Variants in NME7 observed in about 807,000 individuals in gnomAD.
NME7 encodes NME/NM23 family member 7.
In NME7, 41 loss-of-function variants were observed where a neutral mutation model predicts 49.1. That is an observed-to-expected ratio of 0.83 (90% CI 0.65 to 1.08). The LOEUF (loss-of-function observed/expected upper bound fraction) is 1.08, where lower values mean the gene tolerates loss of function less well. Among genes scored for constraint, NME7 ranks in the 50% least tolerant of loss-of-function variants. The probability of loss-of-function intolerance (pLI) is 0.00; values close to 1 mark genes in which losing one functional copy is unlikely to be tolerated. For synonymous variants in NME7, 139 were observed against 150.6 expected (o/e 0.92, Z 0.56); for missense variants, 423 against 463.4 (o/e 0.91, Z 0.80).
At chr1:169,366,518 G>C (rs1653860549) in intron 1 of NME7, among the ~76,000 whole-genome samples, 1 of 152,172 alleles carries the variant, frequency 6.6e-6, no homozygotes, top group African/African-American at 2.4e-5. Context: ...GAAGAAACTG[G>C]AGAGGAAAAG....
rs530007834 is a variant in NME7 at position 169,292,647 on chromosome 1, T to C, written c.649-5239A>G. Among the ~76,000 whole-genome samples, 64 of 152,268 alleles carry C rather than the reference T, an allele frequency of 4.2e-4. 1 individual carries two copies. The South Asian group carries it at 0.013, about 32-fold the overall frequency. On this transcript the variant is annotated intron_variant, in intron 6 of 11. Transcript: ENST00000367811. ...GATCACTGGAACGCCTTGGAAACCA[T>C]GTCAAGGAGCTTGAACTTGATTCTG...
intron 11 of NME7, among the ~76,000 whole-genome samples, chr1:169,150,335 T>A (rs1021568728): frequency 3.9e-5 from 6 of 152,288 alleles, no homozygotes; most frequent in Admixed American, 1.3e-4. Flanking sequence ...ATACTTGTTA[T>A]AAAAAAGGTA....
At position 169,274,961 on chromosome 1, in the gene NME7, G is replaced by C. The variant is rs1398431347; in HGVS notation, c.754+12342C>G. The stretch of plus-strand genomic sequence containing the variant: ...AGTTGGCGATGTGGGCTCTTTTTTG[G>C]TTCCATATGAAATTTAAAGTAGTTT... On this transcript the variant is annotated intron_variant, in intron 7 of 11. Coordinates refer to ENST00000367811, the MANE Select transcript of NME7 (RefSeq NM_013330.5). 4.5e-5 allele frequency among the ~76,000 whole-genome samples: 6 copies of C among 132,542 alleles called. 1 individual carries two copies. Among genetic ancestry groups the C allele is most frequent in the African/African-American group, 1.5e-4 (6 of 39,270 alleles). 87.0% of individuals were successfully genotyped at this position (132,542 alleles called of 152,430 possible).
At chr1:169,301,018 G>A (rs1241123202) in intron 5 of NME7, among the ~76,000 whole-genome samples, 1 of 152,110 alleles carries the variant, frequency 6.6e-6, no homozygotes, top group Admixed American at 6.5e-5. Context: ...TCTGGACATT[G>A]GCCTGGGGAA....
intron 1 of NME7, among the ~76,000 whole-genome samples, chr1:169,365,446 C>A (rs1385862228): frequency 6.6e-6 from 1 of 152,136 alleles, no homozygotes; most frequent in African/African-American, 2.4e-5. Flanking sequence ...CAAGAGGGTG[C>A]AAGTATTCTG....
intron 10 of NME7, among the ~76,000 whole-genome samples, chr1:169,179,593 T>C (rs1465614958): frequency 6.6e-6 from 1 of 152,000 alleles, no homozygotes; most frequent in Non-Finnish European, 1.5e-5. Context: ...ATAAAGAAAA[T>C]GTACATATAC....
chr1:169,356,825 C>G (rs1334372948), intron 1 of NME7, among the ~76,000 whole-genome samples: 1 of 152,108 alleles, frequency 6.6e-6, no homozygotes, highest in African/African-American at 2.4e-5. Flanking sequence ...TCAATGTTGA[C>G]ATTAATATGC....
intron 1 of NME7, among the ~76,000 whole-genome samples, chr1:169,327,311 C>T (rs573167022): frequency 1.3e-5 from 2 of 152,326 alleles, no homozygotes; most frequent in South Asian, 4.1e-4. Flanking sequence ...TTAAAGATTA[C>T]ACTGCATCAA....
chr1:169,281,176 C>T (rs1307884478), intron 7 of NME7, among the ~76,000 whole-genome samples: 1 of 152,086 alleles, frequency 6.6e-6, no homozygotes, highest in Non-Finnish European at 1.5e-5. Context: ...CTTCATATCC[C>T]TTGTAAGTTG....
chr1:169,305,902 T>C (rs917519956), intron 4 of NME7, among the ~76,000 whole-genome samples: 1 of 152,246 alleles, frequency 6.6e-6, no homozygotes, highest in Non-Finnish European at 1.5e-5. Flanking sequence ...GGTAACTTCC[T>C]AGCTTATAAA....
intron 10 of NME7, among the ~76,000 whole-genome samples, chr1:169,206,321 C>T (rs1660674536): frequency 6.6e-6 from 1 of 151,670 alleles, no homozygotes; most frequent in South Asian, 2.1e-4. Context: ...TTAATTAATT[C>T]AAATATCTAT....
chr1:169,312,286 T>C (rs1253742844), intron 3 of NME7, among the ~76,000 whole-genome samples: 1 of 152,170 alleles, frequency 6.6e-6, no homozygotes, highest in Admixed American at 6.5e-5. Flanking sequence ...TCAACCAATG[T>C]ACAGGCAATT....
At chr1:169,165,784 T>C (rs763989728) in intron 11 of NME7, among the ~76,000 whole-genome samples, 1 of 152,224 alleles carries the variant, frequency 6.6e-6, no homozygotes, top group Non-Finnish European at 1.5e-5. Flanking sequence ...AAGTAGCTAA[T>C]TGATAAGGGC....
At chr1:169,212,689 A>C (rs1660861085) in intron 10 of NME7, among the ~76,000 whole-genome samples, 2 of 149,482 alleles carry the variant, frequency 1.3e-5, no homozygotes, top group African/African-American at 4.9e-5. Context: ...GCAGCCTTTA[A>C]GTCCTGGGCT....
At chr1:169,232,561 G>GC (rs1313510292) in intron 9 of NME7, among the ~76,000 whole-genome samples, 1 of 151,726 alleles carries the variant, frequency 6.6e-6, no homozygotes, top group African/African-American at 2.4e-5. Flanking sequence ...GGTGTTGGGG[G>GC]GGGGGCAGGG....
intron 7 of NME7, among the ~76,000 whole-genome samples, chr1:169,238,798 C>G (rs893647626): frequency 3.3e-5 from 5 of 152,004 alleles, no homozygotes; most frequent in African/African-American, 4.8e-5. Context: ...CACAGTAGAA[C>G]AGGCTCATGC....
At position 169,266,116 on chromosome 1, in the gene NME7, G is replaced by A. The variant is rs544059467; in HGVS notation, c.754+21187C>T. On this transcript the variant is annotated intron_variant, in intron 7 of 11. Coordinates refer to ENST00000367811, the MANE Select transcript of NME7 (RefSeq NM_013330.5). ...GAATCCTCCTCAACTCATTCTATGA[G>A]GCCATCATCATCCTGATACCAAAAT... is the stretch of plus-strand genomic sequence containing the variant. 5.3e-5 allele frequency among the ~76,000 whole-genome samples: 7 copies of A among 132,388 alleles called. 1 individual carries two copies. In the South Asian group the frequency reaches 1.6e-3, roughly 31 times the overall value. 86.9% of individuals were successfully genotyped at this position (132,388 alleles called of 152,430 possible).
chr1:169,170,681 G>A (rs1659558313), intron 10 of NME7, among the ~76,000 whole-genome samples: 1 of 152,194 alleles, frequency 6.6e-6, no homozygotes, highest in Admixed American at 6.5e-5. Flanking sequence ...TTCAGAGGTA[G>A]AGGTGAGTGA....
At position 169,134,054 on chromosome 1, in the gene NME7, T is replaced by A. The variant is rs188808669; in HGVS notation, c.1099-1237A>T. 6.0e-4 allele frequency among the ~76,000 whole-genome samples: 91 copies of A among 152,336 alleles called. 1 individual carries two copies. Among genetic ancestry groups the A allele is most frequent in the Admixed American group, 5.1e-3 (78 of 15,302 alleles). On this transcript the variant is annotated intron_variant, in intron 11 of 11. Transcript: ENST00000367811. ...CTCTCCAAATCTTGCTTCTCTTAAT[T>A]TCTCCAGATTGTGCCAACCTATTTC... is the stretch of plus-strand genomic sequence containing the variant.
Sources: allele counts gnomAD v4.1 joint callset (sites outside exome capture counted in the v4.1 genomes callset), GRCh38; gene constraint gnomAD v4.1.1; transcripts MANE v1.5; gene names NCBI Gene and HGNC (gene_info 2026-07-23, HGNC 2026-07-21).